Variants in FRMD4A observed in about 807,000 individuals in gnomAD.
FRMD4A encodes FERM domain containing 4A.
In FRMD4A, 29 loss-of-function variants were observed where a neutral mutation model predicts 129.1. The ratio of observed to expected loss-of-function variants is 0.22; its 90% CI spans 0.17 to 0.31. The LOEUF is 0.31. Ranked by LOEUF, FRMD4A falls within the 10% of genes least tolerant of loss-of-function variation. The pLI, the probability that FRMD4A is intolerant of heterozygous loss-of-function variation, is 1.00. For synonymous variants in FRMD4A, 634 were observed against 571.6 expected, an observed-to-expected ratio of 1.11 and a Z score of -1.56; for missense variants, 1,272 against 1,375.8, an observed-to-expected ratio of 0.92 and a Z score of 1.19.
intron 3 of FRMD4A, among the ~76,000 whole-genome samples, chr10:13,834,389 C>A (rs994692774): frequency 6.6e-6 from 1 of 152,158 alleles, no homozygotes; most frequent in Non-Finnish European, 1.5e-5. Flanking sequence ...GGTCTCTGGA[C>A]ACAAATTAGT....
At chr10:13,881,994 TGTGTG>T (rs2094552260) in intron 2 of FRMD4A, among the ~76,000 whole-genome samples, 1 of 646 alleles carries the variant, frequency 1.5e-3, no homozygotes, top group African/African-American at 1.9e-3. Context: ...GGCAAGGGTG[TGTGTG>T]TGTGTGTGTG....
intron 14 of FRMD4A, among the ~76,000 whole-genome samples, chr10:13,696,758 G>T (rs1177827287): frequency 6.6e-6 from 1 of 151,854 alleles, no homozygotes; most frequent in Non-Finnish European, 1.5e-5. Context: ...TAAAAAAAAA[G>T]ACCTGAATTA....
chr10:14,069,821 A>G (rs1835232096), intron 2 of FRMD4A, among the ~76,000 whole-genome samples: 1 of 152,158 alleles, frequency 6.6e-6, no homozygotes, highest in South Asian at 2.1e-4. Flanking sequence ...TGCACGGCCC[A>G]TGGAACTAAA....
intron 2 of FRMD4A, among the ~76,000 whole-genome samples, chr10:14,033,355 C>T (rs545891256): frequency 8.4e-4 from 128 of 151,796 alleles, no homozygotes; most frequent in African/African-American, 3.0e-3. Flanking sequence ...GTGCTTGTTA[C>T]ATGGATATTA....
Position 13,644,288 on chromosome 10 carries a change from T to C in FRMD4A, c.*2750A>G, listed in dbSNP as rs902453094. On this transcript the variant is annotated 3_prime_UTR_variant, in exon 25 of 25. Coordinates refer to ENST00000357447, the MANE Select transcript of FRMD4A (RefSeq NM_018027.5). ...AGACCAAGGACTTCGTATTTCACCT[T>C]ATTTTGTTTTAAAGAAATAGGGATA... 2 of 152,252 alleles carry C rather than the reference T, an allele frequency of 1.3e-5. No homozygotes were observed. Among genetic ancestry groups the C allele is most frequent in the African/African-American group, 4.8e-5 (2 of 41,468 alleles). The allele number at this position is 152,252 out of a possible 1,614,324, so 9.4% of individuals were successfully genotyped here.
chr10:14,122,078 T>C (rs1838556296), intron 2 of FRMD4A, among the ~76,000 whole-genome samples: 1 of 152,210 alleles, frequency 6.6e-6, no homozygotes, highest in Non-Finnish European at 1.5e-5. Context: ...TAACTTTAGC[T>C]CATCCCCTAA....
chr10:13,658,872 A>G (rs1379543780), intron 21 of FRMD4A, among the ~76,000 whole-genome samples: 2 of 128,900 alleles, frequency 1.6e-5, no homozygotes, highest in Non-Finnish European at 3.1e-5. Context: ...ACAGAGCAAG[A>G]CTCCATCTCA....
intron 16 of FRMD4A, among the ~76,000 whole-genome samples, chr10:13,672,428 G>A (rs1169188279): frequency 1.3e-5 from 2 of 151,062 alleles, no homozygotes; most frequent in African/African-American, 4.9e-5. Context: ...GTCAGGACTT[G>A]ATTTTTTTTT....
At chr10:14,081,098 C>G (rs1291498492) in intron 2 of FRMD4A, among the ~76,000 whole-genome samples, 2 of 152,174 alleles carry the variant, frequency 1.3e-5, no homozygotes, top group East Asian at 3.9e-4. Context: ...ATGGGCTTCT[C>G]CTAGTCAGAG....
chr10:14,219,319 G>A (rs137894868), intron 2 of FRMD4A, among the ~76,000 whole-genome samples: 5 of 152,242 alleles, frequency 3.3e-5, no homozygotes, highest in South Asian at 2.1e-4. Context: ...CCCTCTGCCC[G>A]ATGCTTTTAA....
At chr10:13,904,024 C>T (rs1337314400) in intron 2 of FRMD4A, among the ~76,000 whole-genome samples, 7 of 152,136 alleles carry the variant, frequency 4.6e-5, no homozygotes, top group Non-Finnish European at 8.8e-5. Context: ...ATAATCGTGT[C>T]GCTCCACTTC....
rs540934496 is a variant in FRMD4A, at chr10:13,644,457, A to G, written c.*2581T>C. The stretch of plus-strand genomic sequence containing the variant: ...TAAACAGTAAAACCTGTTTTACTTA[A>G]TCTCTGTCTTGACTACCAGACTATC... On this transcript the variant is annotated 3_prime_UTR_variant, in exon 25 of 25. Coordinates refer to ENST00000357447, the MANE Select transcript of FRMD4A (RefSeq NM_018027.5). 6.6e-6 allele frequency: 1 copy of G among 152,224 alleles called. No homozygotes were observed. The highest frequency in any genetic ancestry group is 1.5e-5 in the Non-Finnish European group (1 of 68,040). The allele number at this position is 152,224 out of a possible 1,614,324, so 9.4% of individuals were successfully genotyped here. A position where few individuals can be genotyped will look rare whatever the true frequency, so the allele number is the denominator to read the frequency against.
rs568205994 is a variant in FRMD4A at position 13,690,492 on chromosome 10, C to T, written c.1117+3406G>A. On this transcript the variant is annotated intron_variant, in intron 15 of 24. Transcript: ENST00000357447. The stretch of plus-strand genomic sequence containing the variant: ...GATGGAATGTTTCCTGTTTGCAGTG[C>T]GTCCCCCCACTGTCTTGGCCCTCCT... 4.9e-4 allele frequency among the ~76,000 whole-genome samples: 75 copies of T among 152,332 alleles called. No individual in the cohort carries two copies. In the South Asian group the frequency reaches 0.015, roughly 30 times the overall value.
chr10:14,314,838 C>T (rs902182322), intron 2 of FRMD4A, among the ~76,000 whole-genome samples: 12 of 152,124 alleles, frequency 7.9e-5, no homozygotes, highest in Non-Finnish European at 1.6e-4. Context: ...CTTACTCATT[C>T]ACCTCCTATC....
intron 2 of FRMD4A, among the ~76,000 whole-genome samples, chr10:13,959,407 G>A (rs1008961156): frequency 6.8e-6 from 1 of 148,074 alleles, no homozygotes; most frequent in Non-Finnish European, 1.5e-5. Context: ...GGGAGGCAGA[G>A]GTTGCAGTGA....
At chr10:13,658,265 T>C (rs189063929) in intron 21 of FRMD4A, among the ~76,000 whole-genome samples, 172 of 151,428 alleles carry the variant, frequency 1.1e-3, no homozygotes, top group Admixed American at 1.8e-3. Context: ...TCCATATAAA[T>C]AGACTCCCCT....
At chr10:13,784,021 G>C (rs1477256270) in intron 5 of FRMD4A, among the ~76,000 whole-genome samples, 4 of 152,122 alleles carry the variant, frequency 2.6e-5, no homozygotes, top group African/African-American at 9.7e-5. Context: ...GGAAGAGAGG[G>C]GAAAGGTTGA....
intron 2 of FRMD4A, among the ~76,000 whole-genome samples, chr10:14,177,685 T>G (rs1841780603): frequency 6.6e-6 from 1 of 152,154 alleles, no homozygotes; most frequent in Non-Finnish European, 1.5e-5. Flanking sequence ...GGCCGGTTGT[T>G]TTCTGAAAAA....
At chr10:13,814,089 ATT>A (rs1049053034) in intron 3 of FRMD4A, among the ~76,000 whole-genome samples, 1 of 151,212 alleles carries the variant, frequency 6.6e-6, no homozygotes, top group African/African-American at 2.4e-5. Flanking sequence ...AATGGATTTG[ATT>A]TTTTTTTTCA....
Sources: allele counts gnomAD v4.1 joint callset (sites outside exome capture counted in the v4.1 genomes callset), GRCh38; gene constraint gnomAD v4.1.1; transcripts MANE v1.5; gene names NCBI Gene and HGNC (gene_info 2026-07-23, HGNC 2026-07-21).